Variants in PAFAH1B2 observed in about 807,000 individuals in gnomAD.
The protein encoded by PAFAH1B2 is platelet activating factor acetylhydrolase 1b catalytic subunit 2.
A neutral mutation model predicts 28.0 loss-of-function variants in PAFAH1B2; 8 were observed. The observed-to-expected ratio is 0.29, with a 90% CI of 0.17 to 0.52. The LOEUF (loss-of-function observed/expected upper bound fraction) is 0.52, where lower values mean the gene tolerates loss of function less well. Ranked by LOEUF, PAFAH1B2 falls within the 20% of genes least tolerant of loss-of-function variation. The pLI, the probability that PAFAH1B2 is intolerant of heterozygous loss-of-function variation, is 0.97. For missense variants in PAFAH1B2, 190 were observed against 282.6 expected, an observed-to-expected ratio of 0.67 and a Z score of 2.35; for synonymous variants, 104 against 103.2, an observed-to-expected ratio of 1.01 and a Z score of -0.05.
chr11:117,172,939 G>A (rs548150863), downstream of PAFAH1B2, among the ~76,000 whole-genome samples: 116 of 152,334 alleles, frequency 7.6e-4, no homozygotes, highest in Non-Finnish European at 1.4e-3. Context: ...CTGGCCTCAG[G>A]CAATCGGCCC....
At chr11:117,151,909 A>G (rs1369953453) in intron 1 of PAFAH1B2, among the ~76,000 whole-genome samples, 8 of 152,022 alleles carry the variant, frequency 5.3e-5, no homozygotes, top group African/African-American at 9.7e-5. Context: ...GGGTTTCACC[A>G]TGTTAGCCAG....
chr11:117,177,056 A>G (rs1043295512), downstream of PAFAH1B2, among the ~76,000 whole-genome samples: 1 of 151,168 alleles, frequency 6.6e-6, no homozygotes, highest in African/African-American at 2.4e-5. Flanking sequence ...AAAAATACAA[A>G]AATTAGCTGG....
At chr11:117,175,047 G>GTT, downstream of PAFAH1B2, 1 of 1,327,832 alleles carries the variant, frequency 7.5e-7, no homozygotes, top group Non-Finnish European at 9.6e-7. Flanking sequence ...CCTCAGCTGT[G>GTT]TGTTGAATGG....
chr11:117,159,759 A>T (rs968060814), intron 2 of PAFAH1B2, 175 bp from the exon 3 acceptor site: 6 of 527,462 alleles, frequency 1.1e-5, no homozygotes, highest in African/African-American at 5.7e-5. Context: ...AAAGAAAGAA[A>T]AAAGTTGTTT....
intron 2 of PAFAH1B2, among the ~76,000 whole-genome samples, chr11:117,153,069 C>G (rs977601801): frequency 2.0e-5 from 3 of 152,072 alleles, no homozygotes; most frequent in African/African-American, 7.2e-5. Flanking sequence ...CATCTCAAAA[C>G]AAACAAAAAA....
chr11:117,177,035 C>CGGGG (rs2030019936), downstream of PAFAH1B2: 8 of 152,030 alleles, frequency 5.3e-5, no homozygotes, highest in African/African-American at 1.9e-4. Flanking sequence ...TGGTGAAACC[C>CGGGG]CGTCTCTACC....
At chr11:117,172,381 TATATATATATATATATATATA>T (rs1956681080), downstream of PAFAH1B2, among the ~76,000 whole-genome samples, 135 of 5,432 alleles carry the variant, frequency 0.025, 2 homozygotes, top group Middle Eastern at 0.083. Context: ...TATATATATA[TATATATATATATATATATATA>T]TATTTTTTTT....
At chr11:117,153,392 T>C (rs556964922) in intron 2 of PAFAH1B2, among the ~76,000 whole-genome samples, 1 of 152,004 alleles carries the variant, frequency 6.6e-6, no homozygotes, top group African/African-American at 2.4e-5. Flanking sequence ...GTTGTTGTTG[T>C]TGGTTTTTTG....
chr11:117,171,620 A>C, downstream of PAFAH1B2: 1 of 1,140,662 alleles, frequency 8.8e-7, no homozygotes, highest in Non-Finnish European at 1.3e-6. Context: ...TTACGTCCCC[A>C]GGGTAAAGCA....
At chr11:117,157,189 C>G (rs1050978030) in intron 2 of PAFAH1B2, among the ~76,000 whole-genome samples, 1 of 151,948 alleles carries the variant, frequency 6.6e-6, no homozygotes, top group African/African-American at 2.4e-5. Context: ...TTTTAAAATA[C>G]GTGTTTGCAC....
At chr11:117,154,476 G>GGCACCATTACAGCTT (rs200404931) in intron 2 of PAFAH1B2, among the ~76,000 whole-genome samples, 4,535 of 152,028 alleles carry the variant, frequency 0.03, 235 homozygotes, top group African/African-American at 0.097. Context: ...GGAGTGCAGT[G>GGCACCATTACAGCTT]GCACCATTAC....
chr11:117,164,082 C>T (rs1008340283), intron 5 of PAFAH1B2, 190 bp downstream of exon 5: 1 of 545,048 alleles, frequency 1.8e-6, no homozygotes. Flanking sequence ...AGCTGTGGGG[C>T]CATCTTTTAT....
chr11:117,171,903 T>C (rs1194927906), downstream of PAFAH1B2, among the ~76,000 whole-genome samples: 1 of 152,182 alleles, frequency 6.6e-6, no homozygotes, highest in Non-Finnish European at 1.5e-5. Flanking sequence ...TGAGACATTT[T>C]GTTTTTCTAG....
intron 2 of PAFAH1B2, among the ~76,000 whole-genome samples, chr11:117,154,986 GTTTTGT>G (rs1003324634): frequency 2.6e-5 from 4 of 152,026 alleles, no homozygotes; most frequent in African/African-American, 7.2e-5. Context: ...AAAAGGTTTT[GTTTTGT>G]TTTTGTTTTT....
chr11:117,173,074 G>A (rs1399388720), downstream of PAFAH1B2, among the ~76,000 whole-genome samples: 4 of 152,142 alleles, frequency 2.6e-5, no homozygotes, highest in Non-Finnish European at 4.4e-5. Context: ...CATTTTTATC[G>A]GTGATCTTTG....
At chr11:117,174,697 C>T (rs112971413), downstream of PAFAH1B2, among the ~76,000 whole-genome samples, 1 of 152,232 alleles carries the variant, frequency 6.6e-6, no homozygotes, top group South Asian at 2.1e-4. Flanking sequence ...AGGCTGGGCT[C>T]GAATTCCTGA....
chr11:117,168,454 T>TTTTTTG lies in PAFAH1B2; in HGVS notation c.*760_*761insGTTTTT, dbSNP rs1956568665. The TTTTTTG allele has an allele frequency of 2.3e-6, 2 of 865,110 alleles. No homozygotes were observed. The highest frequency in any genetic ancestry group is 2.8e-6 in the Non-Finnish European group (2 of 724,592). The allele number at this position is 865,110 out of a possible 1,614,324, so 53.6% of individuals were successfully genotyped here. On this transcript the variant is annotated 3_prime_UTR_variant, in exon 6 of 6. Transcript: ENST00000527958. ...ATTCCCCCCGCCACCCCGTTTTTTT[T>TTTTTTG]TTTTTTTTTTTTTTTTTGGTTCTTG...
downstream of PAFAH1B2, chr11:117,175,422 G>A: frequency 4.7e-6 from 5 of 1,062,478 alleles, no homozygotes; most frequent in Non-Finnish European, 5.7e-6. Context: ...TGCAGACCTG[G>A]GAACAGCAAG....
At chr11:117,149,430 G>GTTTTTTTTTTTTTTTT (rs746125678) in intron 1 of PAFAH1B2, among the ~76,000 whole-genome samples, 1,942 of 85,996 alleles carry the variant, frequency 0.023, 534 homozygotes, top group South Asian at 0.044. Context: ...TTTTCTAATC[G>GTTTTTTTTTTTTTTTT]TTTTTTTTTT....
Sources: allele counts gnomAD v4.1 joint callset (sites outside exome capture counted in the v4.1 genomes callset), GRCh38; gene constraint gnomAD v4.1.1; transcripts MANE v1.5; gene names NCBI Gene and HGNC (gene_info 2026-07-23, HGNC 2026-07-21).